The following EYA4 variants were observed in gnomAD, a reference collection of about 807,000 sequenced individuals.
EYA4 encodes EYA transcriptional coactivator and phosphatase 4, also known as protein phosphatase EYA4.
In EYA4, 31 loss-of-function variants were observed where a neutral mutation model predicts 87.9. The observed-to-expected ratio is 0.35, with a 90% CI of 0.27 to 0.48. The LOEUF is 0.48. Ranked by LOEUF, EYA4 falls within the 20% of genes least tolerant of loss-of-function variation. The pLI, the probability that EYA4 is intolerant of heterozygous loss-of-function variation, is 0.99. For synonymous variants in EYA4, 263 were observed against 270.6 expected (o/e 0.97, Z 0.28); for missense variants, 678 against 761.4 (o/e 0.89, Z 1.29).
At chr6:133,430,029 C>T (rs1791046183) in intron 3 of EYA4, among the ~76,000 whole-genome samples, 1 of 152,130 alleles carries the variant, frequency 6.6e-6, no homozygotes, top group Non-Finnish European at 1.5e-5. Context: ...CTCCTTCCCA[C>T]CTCGATTAGT....
chr6:133,486,254 A>C (rs1392441330), intron 13 of EYA4, among the ~76,000 whole-genome samples: 1 of 152,208 alleles, frequency 6.6e-6, no homozygotes, highest in Non-Finnish European at 1.5e-5. Context: ...TTGACAATTT[A>C]CTTAATGTAA....
intron 3 of EYA4, among the ~76,000 whole-genome samples, chr6:133,390,989 C>T (rs1377470497): frequency 6.6e-6 from 1 of 151,930 alleles, no homozygotes; most frequent in African/African-American, 2.4e-5. Flanking sequence ...ACAAACAAAC[C>T]AAAAAACCCA....
chr6:133,473,040 T>TAAAG (rs1795413086), intron 11 of EYA4, among the ~76,000 whole-genome samples: 1 of 152,044 alleles, frequency 6.6e-6, no homozygotes, highest in Non-Finnish European at 1.5e-5. Context: ...TATAAATATA[T>TAAAG]AAAGAACTGT....
At chr6:133,501,083 G>A (rs1459720336) in intron 13 of EYA4, among the ~76,000 whole-genome samples, 1 of 151,958 alleles carries the variant, frequency 6.6e-6, no homozygotes, top group Non-Finnish European at 1.5e-5. Context: ...GTGTATGTTC[G>A]CTACTATTGC....
rs117329149 is a variant in EYA4, at chr6:133,323,157, C to T, written c.33+48344C>T. 1.6e-4 allele frequency among the ~76,000 whole-genome samples: 24 copies of T among 151,464 alleles called. No homozygotes were observed. In the East Asian group the frequency reaches 4.3e-3, roughly 27 times the overall value. ...ATAACAGGCTTTAAATTTTTTTATT[C>T]GTTAGCATATTTCCCCAAGCCAACA... On this transcript the variant is annotated intron_variant, in intron 2 of 19. Coordinates refer to ENST00000355286, the MANE Select transcript of EYA4 (RefSeq NM_004100.5).
At chr6:133,517,071 T>C (rs1181856626) in intron 17 of EYA4, among the ~76,000 whole-genome samples, 1 of 152,178 alleles carries the variant, frequency 6.6e-6, no homozygotes, top group Non-Finnish European at 1.5e-5. Flanking sequence ...GTTTTGTCTT[T>C]AGATCTTTGA....
intron 2 of EYA4, among the ~76,000 whole-genome samples, chr6:133,336,192 T>G (rs2128396058): frequency 6.6e-6 from 1 of 152,266 alleles, no homozygotes; most frequent in South Asian, 2.1e-4. Context: ...AGGAATGTTT[T>G]TGGGGAATAA....
At chr6:133,391,680 T>G (rs1787310116) in intron 3 of EYA4, among the ~76,000 whole-genome samples, 1 of 152,050 alleles carries the variant, frequency 6.6e-6, no homozygotes, top group Non-Finnish European at 1.5e-5. Context: ...GACGGGAATG[T>G]TTTCAGAGAG....
intron 2 of EYA4, among the ~76,000 whole-genome samples, chr6:133,312,684 C>T (rs1780320872): frequency 6.6e-6 from 1 of 152,166 alleles, no homozygotes; most frequent in Non-Finnish European, 1.5e-5. Flanking sequence ...TTCTTCCTCA[C>T]CATATAGCTT....
chr6:133,278,302 A>G (rs1423607987), intron 2 of EYA4, among the ~76,000 whole-genome samples: 1 of 151,900 alleles, frequency 6.6e-6, no homozygotes, highest in African/African-American at 2.4e-5. Context: ...TTCTCACCCA[A>G]TCAGCCCTAC....
At chr6:133,289,297 T>A (rs1431907610) in intron 2 of EYA4, among the ~76,000 whole-genome samples, 1 of 152,192 alleles carries the variant, frequency 6.6e-6, no homozygotes, top group Non-Finnish European at 1.5e-5. Context: ...AGGAGGCAAA[T>A]ACCTTTGTCC....
rs775296019 is a variant in EYA4 at position 133,468,677 on chromosome 6, T to C, written c.916T>C (p.Ser306Pro). ...SNNTADGTPS[S>P]TSTYQLQESL... ...TAACACAGCCGATGGCACACCCTCT[T>C]CAACCTCTACTTATCAGTTGCAGGA... Residue 306 changes from serine to proline, a missense_variant, in exon 11 of 20, where the codon TCA becomes CCA. Transcript: ENST00000355286. The C allele has an allele frequency of 6.2e-7, 1 of 1,613,136 alleles. No homozygotes were observed. The highest frequency in any genetic ancestry group is 8.5e-7 in the Non-Finnish European group (1 of 1,179,338).
rs1554208784 is a variant in EYA4, at chr6:133,252,993, A to ACACTCACTCTCT, written c.-66+11245_-66+11246insACTCACTCTCTC. ...CACACACACACACACACACACACTC[A>ACACTCACTCTCT]CTCTCTCTCTCTCACTTCCTTTGAT... On this transcript the variant is annotated intron_variant, in intron 1 of 19. Coordinates refer to ENST00000355286, the MANE Select transcript of EYA4 (RefSeq NM_004100.5). 3.0e-4 allele frequency among the ~76,000 whole-genome samples: 42 copies of ACACTCACTCTCT among 141,684 alleles called. 1 individual carries two copies. Among genetic ancestry groups the ACACTCACTCTCT allele is most frequent in the Non-Finnish European group, 3.7e-4 (24 of 64,588 alleles). 93.0% of individuals were successfully genotyped at this position (141,684 alleles called of 152,430 possible).
intron 19 of EYA4, 75 bp from the exon 20 acceptor site, chr6:133,528,650 C>T (rs1302464860): frequency 1.8e-5 from 19 of 1,051,564 alleles, no homozygotes; most frequent in Middle Eastern, 2.0e-4. Context: ...TTCATTGAGA[C>T]AATGGTTGTG....
rs1790261296 is a variant in EYA4 at position 133,421,981 on chromosome 6, T to G, written c.84-24649T>G. Among the ~76,000 whole-genome samples the G allele has an allele frequency of 2.6e-5, 4 of 152,240 alleles. No homozygotes were observed. The South Asian group carries it at 8.3e-4, about 32-fold the overall frequency. ...TTGTTTTTAAACTTACTATCTTTTT[T>G]CATTAGTAAATATGTGAAAGTTTTA... On this transcript the variant is annotated intron_variant, in intron 3 of 19. Coordinates refer to ENST00000355286, the MANE Select transcript of EYA4 (RefSeq NM_004100.5).
chr6:133,398,821 G>A (rs1461343542), intron 3 of EYA4, among the ~76,000 whole-genome samples: 3 of 152,118 alleles, frequency 2.0e-5, no homozygotes, highest in African/African-American at 7.2e-5. Context: ...AACATGCAGT[G>A]CCAAATCGTA....
intron 3 of EYA4, among the ~76,000 whole-genome samples, chr6:133,433,749 A>G (rs1791395329): frequency 6.6e-6 from 1 of 152,246 alleles, no homozygotes; most frequent in South Asian, 2.1e-4. Context: ...CAGCAGAATC[A>G]GAATCTAACA....
chr6:133,317,030 C>G (rs1489855890), intron 2 of EYA4, among the ~76,000 whole-genome samples: 1 of 151,888 alleles, frequency 6.6e-6, no homozygotes, highest in Non-Finnish European at 1.5e-5. Context: ...CATTTTGGAT[C>G]AAAAAAGGAA....
At chr6:133,441,255 T>C (rs528957865) in intron 3 of EYA4, among the ~76,000 whole-genome samples, 32 of 152,328 alleles carry the variant, frequency 2.1e-4, no homozygotes, top group African/African-American at 7.7e-4. Context: ...ATGTCCAATA[T>C]GCTGTTAAGT....
Sources: allele counts gnomAD v4.1 joint callset (sites outside exome capture counted in the v4.1 genomes callset), GRCh38; gene constraint gnomAD v4.1.1; transcripts MANE v1.5; gene names NCBI Gene and HGNC (gene_info 2026-07-23, HGNC 2026-07-21).